Variants in DPP10 observed in about 807,000 individuals in gnomAD.
DPP10 encodes dipeptidyl peptidase like 10.
A neutral mutation model predicts 120.9 loss-of-function variants in DPP10; 33 were observed. That is an observed-to-expected ratio of 0.27 (90% CI 0.21 to 0.37). The LOEUF is 0.37. Ranked by LOEUF, DPP10 falls within the 10% of genes least tolerant of loss-of-function variation. The pLI, the probability that DPP10 is intolerant of heterozygous loss-of-function variation, is 1.00. For synonymous variants in DPP10, 337 were observed against 326.1 expected (o/e 1.03, Z -0.36); for missense variants, 816 against 942.8 (o/e 0.87, Z 1.76).
At chr2:115,348,048 G>A (rs1212287837) in intron 3 of DPP10, among the ~76,000 whole-genome samples, 1 of 152,036 alleles carries the variant, frequency 6.6e-6, no homozygotes, top group Non-Finnish European at 1.5e-5. Flanking sequence ...ACTTGCTTCA[G>A]GGATGGCAGA....
intron 1 of DPP10, among the ~76,000 whole-genome samples, chr2:114,505,461 G>T (rs1198191634): frequency 6.9e-6 from 1 of 144,724 alleles, no homozygotes; most frequent in African/African-American, 2.5e-5. Context: ...AAATTTATGT[G>T]TTTTTTTTTT....
chr2:114,980,198 T>G (rs146532492), intron 1 of DPP10, among the ~76,000 whole-genome samples: 4,458 of 152,232 alleles, frequency 0.029, 88 homozygotes, highest in Middle Eastern at 0.062. Flanking sequence ...TCTATTATTT[T>G]TCTTGATTCC....
chr2:115,336,829 A>AT (rs1370775739), intron 2 of DPP10, among the ~76,000 whole-genome samples: 6 of 152,010 alleles, frequency 3.9e-5, no homozygotes, highest in East Asian at 1.9e-4. Context: ...ACAATCTAAT[A>AT]TTTTTTTCTG....
intron 1 of DPP10, among the ~76,000 whole-genome samples, chr2:114,809,353 G>T (rs934194201): frequency 2.0e-5 from 3 of 152,016 alleles, no homozygotes; most frequent in African/African-American, 7.2e-5. Context: ...TTATTTATTT[G>T]GTTTCTTTCT....
intron 1 of DPP10, among the ~76,000 whole-genome samples, chr2:114,645,687 G>A (rs1242142060): frequency 6.6e-6 from 1 of 152,188 alleles, no homozygotes; most frequent in African/African-American, 2.4e-5. Flanking sequence ...CAGAGCTGGG[G>A]TGACTCTGCT....
intron 1 of DPP10, among the ~76,000 whole-genome samples, chr2:114,495,405 G>A (rs1682427142): frequency 6.6e-6 from 1 of 152,128 alleles, no homozygotes; most frequent in South Asian, 2.1e-4. Flanking sequence ...CACATGTTAA[G>A]TAAGATCTGT....
At chr2:114,923,194 T>C (rs1695331731) in intron 1 of DPP10, among the ~76,000 whole-genome samples, 1 of 151,360 alleles carries the variant, frequency 6.6e-6, no homozygotes, top group African/African-American at 2.4e-5. Context: ...TTTTTTCTTT[T>C]TTTTTTTTAG....
At chr2:115,380,865 A>G (rs1030899594) in intron 3 of DPP10, among the ~76,000 whole-genome samples, 2 of 152,182 alleles carry the variant, frequency 1.3e-5, no homozygotes, top group Admixed American at 6.5e-5. Flanking sequence ...TTCTTTAGGA[A>G]TGTTGAATAT....
intron 4 of DPP10, 96 bp from the exon 5 acceptor site, chr2:115,525,802 T>C (rs780830812): frequency 2.5e-5 from 21 of 824,106 alleles, no homozygotes; most frequent in Admixed American, 5.5e-5. Context: ...AATGCCATTT[T>C]ATAGTGCTAT....
intron 3 of DPP10, among the ~76,000 whole-genome samples, chr2:115,446,508 G>A (rs2072602897): frequency 6.6e-6 from 1 of 152,098 alleles, no homozygotes; most frequent in Non-Finnish European, 1.5e-5. Flanking sequence ...AACCTGAGAG[G>A]GACTTCTGAC....
chr2:115,059,554 G>A (rs1473281623), intron 1 of DPP10, among the ~76,000 whole-genome samples: 12 of 151,678 alleles, frequency 7.9e-5, no homozygotes, highest in Non-Finnish European at 1.8e-4. Context: ...CATGACAACT[G>A]GTTCAGAGAT....
chr2:114,499,741 G>A (rs1682997759), intron 1 of DPP10, among the ~76,000 whole-genome samples: 1 of 152,140 alleles, frequency 6.6e-6, no homozygotes, highest in Non-Finnish European at 1.5e-5. Flanking sequence ...TAGCAAGAAG[G>A]ACTTCTGAAA....
At chr2:115,623,563 G>C (rs1170599392) in intron 5 of DPP10, among the ~76,000 whole-genome samples, 4 of 152,182 alleles carry the variant, frequency 2.6e-5, no homozygotes, top group African/African-American at 4.8e-5. Flanking sequence ...GGATAATGCA[G>C]TGAGGAGCAA....
chr2:114,874,352 CA>C (rs1690970631), intron 1 of DPP10, among the ~76,000 whole-genome samples: 1 of 152,144 alleles, frequency 6.6e-6, no homozygotes. Flanking sequence ...AAATCCTAAT[CA>C]TCAAGGTCAA....
intron 1 of DPP10, among the ~76,000 whole-genome samples, chr2:114,835,977 T>C (rs1256804903): frequency 6.6e-5 from 10 of 152,122 alleles, no homozygotes; most frequent in Non-Finnish European, 1.5e-4. Flanking sequence ...TTTATCCTCT[T>C]CCCACATTTA....
chr2:115,133,567 G>A (rs919895271), intron 1 of DPP10, among the ~76,000 whole-genome samples: 7 of 152,080 alleles, frequency 4.6e-5, no homozygotes, highest in Admixed American at 3.3e-4. Context: ...ATCAGGCGTC[G>A]TGAGGTATCT....
intron 19 of DPP10, among the ~76,000 whole-genome samples, chr2:115,796,506 A>G (rs17045008): frequency 0.018 from 2,775 of 152,236 alleles, 86 homozygotes; most frequent in African/African-American, 0.061. Flanking sequence ...GTCGAGATGG[A>G]GAAATGGAGA....
At chr2:115,504,294 T>TA (rs1553434029) in intron 4 of DPP10, among the ~76,000 whole-genome samples, 1 of 150,462 alleles carries the variant, frequency 6.6e-6, no homozygotes, top group Non-Finnish European at 1.5e-5. Flanking sequence ...TTTTTTTTTT[T>TA]ACTAGGAAGC....
At chr2:115,582,269 G>A (rs1473383115) in intron 5 of DPP10, among the ~76,000 whole-genome samples, 2 of 33,132 alleles carry the variant, frequency 6.0e-5, no homozygotes, top group Admixed American at 8.5e-4. Context: ...CTGAAGTTGT[G>A]CCCATGATCA....
Sources: gnomAD v4.1 joint callset for allele counts (sites outside exome capture counted in the v4.1 genomes callset) on GRCh38, gnomAD v4.1.1 for gene constraint, MANE v1.5 for transcripts, NCBI Gene and HGNC (gene_info 2026-07-23, HGNC 2026-07-21) for gene names.